SMYD3: variants seen among roughly 807,000 people sequenced by gnomAD.
The protein encoded by SMYD3 is histone-lysine N-methyltransferase SMYD3.
Under a neutral mutation model 57.7 loss-of-function variants are expected in SMYD3, and 36 were observed. That is an observed-to-expected ratio of 0.62 (90% CI 0.48 to 0.82). The LOEUF (loss-of-function observed/expected upper bound fraction) is 0.82, where lower values mean the gene tolerates loss of function less well. Among genes scored for constraint, SMYD3 ranks in the 40% least tolerant of loss-of-function variants. SMYD3 has a pLI of 0.00. For missense variants in SMYD3, 515 were observed against 538.8 expected (o/e 0.96, Z 0.44); for synonymous variants, 211 against 195.0 (o/e 1.08, Z -0.68).
At chr1:246,210,698 G>A (rs907419487) in intron 5 of SMYD3, among the ~76,000 whole-genome samples, 28 of 149,362 alleles carry the variant, frequency 1.9e-4, no homozygotes, top group East Asian at 2.0e-4. Flanking sequence ...CAACAAGGGC[G>A]AAACTAAAAA....
chr1:246,215,208 C>T (rs542164866), intron 5 of SMYD3, among the ~76,000 whole-genome samples: 30 of 152,200 alleles, frequency 2.0e-4, no homozygotes, highest in Middle Eastern at 3.4e-3. Flanking sequence ...AAAACAGTTT[C>T]GCAATCTCTT....
At chr1:246,492,576 C>T (rs772303860) in intron 1 of SMYD3, among the ~76,000 whole-genome samples, 21 of 152,170 alleles carry the variant, frequency 1.4e-4, no homozygotes, top group Non-Finnish European at 2.2e-4. Context: ...ATTTAACAAA[C>T]GATAGAAACC....
chr1:246,069,621 A>T (rs2060408303), intron 5 of SMYD3, among the ~76,000 whole-genome samples: 1 of 152,236 alleles, frequency 6.6e-6, no homozygotes, highest in East Asian at 1.9e-4. Flanking sequence ...AAGCCAACAT[A>T]AAACAGAAAG....
chr1:246,361,196 T>C (rs537054635), intron 1 of SMYD3, among the ~76,000 whole-genome samples: 1 of 152,072 alleles, frequency 6.6e-6, no homozygotes, highest in East Asian at 1.9e-4. Context: ...TATGGAAAAA[T>C]GCTCAACATC....
chr1:246,252,563 A>T (rs1487636952), intron 5 of SMYD3, among the ~76,000 whole-genome samples: 1 of 152,162 alleles, frequency 6.6e-6, no homozygotes, highest in Non-Finnish European at 1.5e-5. Flanking sequence ...AAAAAAATCC[A>T]TGTATTTATT....
intron 5 of SMYD3, among the ~76,000 whole-genome samples, chr1:246,014,473 G>C (rs73132342): frequency 0.066 from 10,076 of 152,136 alleles, 719 homozygotes; most frequent in African/African-American, 0.17. Context: ...AACTTTGAAC[G>C]AAGAGTCACG....
chr1:246,438,070 G>A (rs905794481), intron 1 of SMYD3, among the ~76,000 whole-genome samples: 1 of 152,060 alleles, frequency 6.6e-6, no homozygotes, highest in Non-Finnish European at 1.5e-5. Flanking sequence ...AAATAGAGGG[G>A]GGAAAAACCC....
intron 5 of SMYD3, among the ~76,000 whole-genome samples, chr1:246,010,875 CCCAAGG>C (rs770855838): frequency 2.0e-5 from 3 of 152,060 alleles, no homozygotes; most frequent in Non-Finnish European, 4.4e-5. Context: ...ATGGTGTTTC[CCCAAGG>C]AAAGGTGTGC....
chr1:245,964,944 T>C (rs993603053), intron 5 of SMYD3, among the ~76,000 whole-genome samples: 1 of 151,980 alleles, frequency 6.6e-6, no homozygotes, highest in African/African-American at 2.4e-5. Flanking sequence ...TTCCCCAAAT[T>C]AATGTCAAAC....
chr1:245,787,852 G>T (rs2047109159), intron 10 of SMYD3, among the ~76,000 whole-genome samples: 1 of 152,214 alleles, frequency 6.6e-6, no homozygotes, highest in African/African-American at 2.4e-5. Context: ...AAACCACGGA[G>T]AGTTGAGCTT....
At chr1:246,498,658 G>C (rs1250857278) in intron 1 of SMYD3, among the ~76,000 whole-genome samples, 3 of 149,402 alleles carry the variant, frequency 2.0e-5, no homozygotes, top group Non-Finnish European at 4.4e-5. Flanking sequence ...GTGAACCTGG[G>C]AGACGGAGCT....
At chr1:245,810,680 G>C (rs2048411183) in intron 10 of SMYD3, among the ~76,000 whole-genome samples, 1 of 152,168 alleles carries the variant, frequency 6.6e-6, no homozygotes, top group African/African-American at 2.4e-5. Flanking sequence ...AAGCCTCTTA[G>C]AGCTTATGTG....
At chr1:246,253,357 G>A (rs2063826253) in intron 5 of SMYD3, among the ~76,000 whole-genome samples, 1 of 152,194 alleles carries the variant, frequency 6.6e-6, no homozygotes, top group African/African-American at 2.4e-5. Flanking sequence ...ACTTCTAAGT[G>A]AGAACATGCG....
intron 5 of SMYD3, among the ~76,000 whole-genome samples, chr1:246,113,237 A>C (rs2061284069): frequency 6.7e-6 from 1 of 150,294 alleles, no homozygotes; most frequent in Non-Finnish European, 1.5e-5. Context: ...ATAAAATTTA[A>C]TAAAAAGAGA....
At chr1:246,294,230 G>A (rs933581618) in intron 5 of SMYD3, among the ~76,000 whole-genome samples, 11 of 152,046 alleles carry the variant, frequency 7.2e-5, no homozygotes, top group South Asian at 4.2e-4. Flanking sequence ...AAATACCGGC[G>A]TCCCCAGCAC....
At chr1:246,028,397 C>T (rs1305397008) in intron 5 of SMYD3, among the ~76,000 whole-genome samples, 1 of 152,192 alleles carries the variant, frequency 6.6e-6, no homozygotes, top group Admixed American at 6.5e-5. Context: ...AGTAAAGTTG[C>T]AAGATACAAA....
At chr1:246,278,823 A>C (rs1251756434) in intron 5 of SMYD3, among the ~76,000 whole-genome samples, 3 of 152,264 alleles carry the variant, frequency 2.0e-5, no homozygotes, top group Non-Finnish European at 2.9e-5. Context: ...TTCATTATAC[A>C]AAATAAAAAA....
intron 5 of SMYD3, chr1:245,947,420 C>T (rs751815553): frequency 1.1e-5 from 5 of 457,008 alleles, no homozygotes; most frequent in African/African-American, 4.0e-5. Context: ...CCCCCCAAAA[C>T]GAACCCAATT....
chr1:246,076,438 T>C (rs549258315), intron 5 of SMYD3, among the ~76,000 whole-genome samples: 3 of 152,270 alleles, frequency 2.0e-5, no homozygotes, highest in Admixed American at 6.5e-5. Flanking sequence ...GTTTCTAATA[T>C]ATCCCATTTT....
Sources: allele counts gnomAD v4.1 joint callset (sites outside exome capture counted in the v4.1 genomes callset), GRCh38; gene constraint gnomAD v4.1.1; transcripts MANE v1.5; gene names NCBI Gene and HGNC (gene_info 2026-07-23, HGNC 2026-07-21).